Variants in LARS2 observed in about 807,000 individuals in gnomAD.
The protein encoded by LARS2 is leucyl-tRNA synthetase 2, mitochondrial.
LARS2 carries 81 observed loss-of-function variants against 116.6 expected under a neutral mutation model. The ratio of observed to expected loss-of-function variants is 0.69; its 90% CI spans 0.58 to 0.84. The LOEUF is 0.84. Ranked by LOEUF, LARS2 falls within the 40% of genes least tolerant of loss-of-function variation. The pLI is 0.00. For missense variants in LARS2, 968 were observed against 1,114.5 expected (o/e 0.87, Z 1.87); for synonymous variants, 396 against 407.2 (o/e 0.97, Z 0.33).
intron 4 of LARS2, among the ~76,000 whole-genome samples, chr3:45,414,566 A>G (rs932563081): frequency 6.6e-6 from 1 of 152,120 alleles, no homozygotes; most frequent in Non-Finnish European, 1.5e-5. Context: ...GCTTCTCTGC[A>G]TGATCAAAAA....
intron 10 of LARS2, among the ~76,000 whole-genome samples, chr3:45,483,494 C>T: frequency 6.6e-6 from 1 of 151,780 alleles, no homozygotes. Flanking sequence ...ACTAAAAATA[C>T]AAAAATTAGT....
chr3:45,535,178 T>C (rs1475235131), intron 20 of LARS2, among the ~76,000 whole-genome samples: 3 of 151,516 alleles, frequency 2.0e-5, no homozygotes, highest in Non-Finnish European at 4.4e-5. Context: ...TAAAACTCTG[T>C]CTCTACTAAA....
At chr3:45,442,597 T>C (rs1357474402) in intron 6 of LARS2, among the ~76,000 whole-genome samples, 1 of 152,162 alleles carries the variant, frequency 6.6e-6, no homozygotes, top group African/African-American at 2.4e-5. Flanking sequence ...TTCAGAATTT[T>C]ATCTGCCTGC....
intron 6 of LARS2, chr3:45,421,178 A>G (rs932683847): frequency 6.6e-6 from 1 of 152,150 alleles, no homozygotes; most frequent in Admixed American, 6.5e-5. Context: ...CAGATTCTCA[A>G]TCCTTCTTGT....
chr3:45,451,490 T>C (rs73070351), intron 7 of LARS2, among the ~76,000 whole-genome samples: 22 of 152,296 alleles, frequency 1.4e-4, no homozygotes, highest in Non-Finnish European at 2.4e-4. Flanking sequence ...TTTTAGAAAC[T>C]TTGTCAAAAA....
intron 15 of LARS2, 86 bp from the exon 16 acceptor site, chr3:45,513,049 C>G: frequency 2.2e-6 from 2 of 892,076 alleles, no homozygotes; most frequent in Non-Finnish European, 3.8e-6. Flanking sequence ...CTACTTCTGC[C>G]CATCCGAGGG....
At chr3:45,520,611 C>T (rs1700437314) in intron 19 of LARS2, among the ~76,000 whole-genome samples, 1 of 152,148 alleles carries the variant, frequency 6.6e-6, no homozygotes, top group South Asian at 2.1e-4. Context: ...TCCCTGTCTT[C>T]TGGCTCTTTG....
At chr3:45,403,668 T>C (rs1374672930) in intron 4 of LARS2, among the ~76,000 whole-genome samples, 1 of 152,162 alleles carries the variant, frequency 6.6e-6, no homozygotes, top group African/African-American at 2.4e-5. Context: ...GGGATTCTAA[T>C]TTCCTTGGAT....
chr3:45,458,669 A>G (rs978858492), intron 7 of LARS2, 74 bp from the exon 8 acceptor site: 83 of 1,497,080 alleles, frequency 5.5e-5, no homozygotes, highest in Middle Eastern at 3.4e-4. Context: ...CCCGGGCGAC[A>G]GTGCGACACT....
At chr3:45,545,479 C>G (rs1700862490) in intron 21 of LARS2, among the ~76,000 whole-genome samples, 1 of 152,222 alleles carries the variant, frequency 6.6e-6, no homozygotes, top group African/African-American at 2.4e-5. Context: ...TGAGTCCCAA[C>G]CTGACTTCTC....
At chr3:45,423,571 T>C (rs925321650) in intron 6 of LARS2, among the ~76,000 whole-genome samples, 1 of 152,078 alleles carries the variant, frequency 6.6e-6, no homozygotes, top group African/African-American at 2.4e-5. Context: ...GCCTGGCCGG[T>C]TTACTGTTAT....
At chr3:45,513,610 G>T (rs1316637701) in intron 16 of LARS2, among the ~76,000 whole-genome samples, 1 of 152,208 alleles carries the variant, frequency 6.6e-6, no homozygotes, top group African/African-American at 2.4e-5. Flanking sequence ...GGTACTCCCA[G>T]TGTTTCTCCC....
intron 6 of LARS2, among the ~76,000 whole-genome samples, chr3:45,436,443 C>G (rs897587016): frequency 6.6e-6 from 1 of 151,972 alleles, no homozygotes; most frequent in Admixed American, 6.5e-5. Context: ...CAACTCAAAC[C>G]AATTAATCTC....
chr3:45,521,896 T>C (rs1054892578), intron 19 of LARS2, among the ~76,000 whole-genome samples: 2 of 151,946 alleles, frequency 1.3e-5, no homozygotes, highest in Admixed American at 1.3e-4. Context: ...TCGATTGAGC[T>C]CAGGAGTTTG....
At chr3:45,460,487 C>T (rs1467141977) in intron 8 of LARS2, among the ~76,000 whole-genome samples, 3 of 152,192 alleles carry the variant, frequency 2.0e-5, no homozygotes, top group South Asian at 2.1e-4. Flanking sequence ...AATAACCTAA[C>T]TGAGGAGCAT....
intron 15 of LARS2, among the ~76,000 whole-genome samples, chr3:45,502,237 A>C (rs1055532572): frequency 6.6e-5 from 10 of 151,868 alleles, no homozygotes; most frequent in African/African-American, 2.4e-4. Flanking sequence ...TTTTTTCTAG[A>C]TCGTTTCTCT....
intron 10 of LARS2, among the ~76,000 whole-genome samples, chr3:45,484,423 G>A (rs114456652): frequency 0.018 from 2,647 of 149,346 alleles, 71 homozygotes; most frequent in African/African-American, 0.058. Flanking sequence ...ATATATGCAC[G>A]TATGGCTTGT....
chr3:45,524,311 C>CT (rs1473181009), intron 20 of LARS2, among the ~76,000 whole-genome samples: 1 of 152,150 alleles, frequency 6.6e-6, no homozygotes, highest in Non-Finnish European at 1.5e-5. Flanking sequence ...AGACACTTCC[C>CT]TGCTTTGAAT....
chr3:45,509,576 TTGCC>T (rs1700252663), intron 15 of LARS2: 2 of 152,066 alleles, frequency 1.3e-5, no homozygotes, highest in African/African-American at 4.8e-5. Flanking sequence ...CTCCAATTAA[TTGCC>T]TAGTGCTGTG....
Sources: allele counts gnomAD v4.1 joint callset (sites outside exome capture counted in the v4.1 genomes callset), GRCh38; gene constraint gnomAD v4.1.1; transcripts MANE v1.5; gene names NCBI Gene and HGNC (gene_info 2026-07-23, HGNC 2026-07-21).